Variants in ZMIZ1 observed in about 807,000 individuals in gnomAD.
The protein encoded by ZMIZ1 is zinc finger MIZ domain-containing protein 1.
A neutral mutation model predicts 113.9 loss-of-function variants in ZMIZ1; 17 were observed. That is an observed-to-expected ratio of 0.15 (90% CI 0.10 to 0.22). The LOEUF is 0.22. Ranked by LOEUF, ZMIZ1 falls within the 10% of genes least tolerant of loss-of-function variation. The probability of loss-of-function intolerance (pLI) is 1.00; values close to 1 mark genes in which losing one functional copy is unlikely to be tolerated. For missense variants in ZMIZ1, 1,059 were observed against 1,477.8 expected (o/e 0.72, Z 4.65); for synonymous variants, 607 against 603.1 (o/e 1.01, Z -0.09).
intron 20 of ZMIZ1, 121 bp downstream of exon 20, chr10:79,305,352 G>T: frequency 2.3e-6 from 3 of 1,302,676 alleles, no homozygotes; most frequent in Admixed American, 1.8e-5. Context: ...TGGCAGAGGG[G>T]CTCAGGTTAT....
intron 2 of ZMIZ1, among the ~76,000 whole-genome samples, chr10:79,137,600 G>T (rs1473894253): frequency 6.6e-6 from 1 of 152,216 alleles, no homozygotes; most frequent in African/African-American, 2.4e-5. Context: ...TGAGTGGCTG[G>T]CTGTGCACCA....
intron 9 of ZMIZ1, chr10:79,290,598 G>T (rs1853419960): frequency 2.4e-6 from 1 of 419,860 alleles, no homozygotes; most frequent in Non-Finnish European, 4.7e-6. Flanking sequence ...CGTTTGTGGG[G>T]CAGTAGGCTT....
At chr10:79,274,592 C>G (rs59844894) in intron 7 of ZMIZ1, among the ~76,000 whole-genome samples, 3 of 151,676 alleles carry the variant, frequency 2.0e-5, no homozygotes, top group African/African-American at 7.3e-5. Flanking sequence ...AAGGAGAACA[C>G]GCACAACATC....
chr10:79,294,935 G>T (rs1414936686), intron 12 of ZMIZ1: 1 of 114,034 alleles, frequency 8.8e-6, no homozygotes. Flanking sequence ...TTCAGGAGGG[G>T]AGAGAGAGGG....
rs1855472556 is a variant in ZMIZ1, at chr10:79,315,461, C to G, written c.*2712C>G. ...GCAAAAACGAGGCCTCTGCAAGCCA[C>G]TTTTCCATGCCAAGCATCCACCCGG... On this transcript the variant is annotated 3_prime_UTR_variant, in exon 25 of 25. Transcript: ENST00000334512. 6.5e-6 allele frequency: 1 copy of G among 152,836 alleles called. No individual in the cohort carries two copies. Among genetic ancestry groups the G allele is most frequent in the Admixed American group, 6.5e-5 (1 of 15,282 alleles). 9.5% of individuals were successfully genotyped at this position (152,836 alleles called of 1,614,324 possible). A position where few individuals can be genotyped will look rare whatever the true frequency, so the allele number is the denominator to read the frequency against.
chr10:79,252,840 C>A (rs997579852), intron 7 of ZMIZ1, among the ~76,000 whole-genome samples: 22 of 152,248 alleles, frequency 1.4e-4, no homozygotes, highest in African/African-American at 5.3e-4. Flanking sequence ...GCACTTAGTG[C>A]AGCCCTTGGT....
chr10:79,244,337 T>C (rs191714686), intron 7 of ZMIZ1, among the ~76,000 whole-genome samples: 12 of 152,308 alleles, frequency 7.9e-5, no homozygotes, highest in Admixed American at 6.5e-4. Context: ...AGGAGATGCC[T>C]GGTTGTGAGG....
At chr10:79,168,482 C>T (rs1365247889) in intron 4 of ZMIZ1, among the ~76,000 whole-genome samples, 1 of 152,210 alleles carries the variant, frequency 6.6e-6, no homozygotes, top group Non-Finnish European at 1.5e-5. Context: ...GGCTATGAAC[C>T]ATGTCCCCAG....
chr10:79,092,380 C>G (rs1440790124), intron 1 of ZMIZ1, among the ~76,000 whole-genome samples: 1 of 152,222 alleles, frequency 6.6e-6, no homozygotes, highest in Non-Finnish European at 1.5e-5. Flanking sequence ...TACCAACAAG[C>G]CATGTGATCT....
chr10:79,171,184 G>T (rs886156835), intron 4 of ZMIZ1, among the ~76,000 whole-genome samples: 1 of 152,234 alleles, frequency 6.6e-6, no homozygotes, highest in Non-Finnish European at 1.5e-5. Context: ...TGCTGCTCAG[G>T]GGAGTTAATA....
At chr10:79,306,587 C>A (rs1268284950) in intron 22 of ZMIZ1, among the ~76,000 whole-genome samples, 4 of 152,228 alleles carry the variant, frequency 2.6e-5, no homozygotes, top group African/African-American at 9.6e-5. Context: ...CACACCCACC[C>A]GAGTTCTTGG....
chr10:79,307,689 T>A, intron 23 of ZMIZ1, 118 bp downstream of exon 23: 1 of 1,212,200 alleles, frequency 8.2e-7, no homozygotes, highest in Non-Finnish European at 1.1e-6. Context: ...GTGTGTGGGC[T>A]CAGAATGGAA....
chr10:79,160,458 C>T (rs901665171), intron 3 of ZMIZ1, among the ~76,000 whole-genome samples: 2 of 152,206 alleles, frequency 1.3e-5, no homozygotes, highest in African/African-American at 2.4e-5. Flanking sequence ...GTCTGGCCCT[C>T]GCATGCAGTG....
At chr10:79,290,496 C>CAG (rs1268732120) in intron 9 of ZMIZ1, among the ~76,000 whole-genome samples, 1 of 152,208 alleles carries the variant, frequency 6.6e-6, no homozygotes, top group East Asian at 1.9e-4. Flanking sequence ...TGCTGCCCTC[C>CAG]AGAGCTAGCA....
intron 10 of ZMIZ1, among the ~76,000 whole-genome samples, chr10:79,291,584 A>T (rs1027867136): frequency 1.3e-5 from 2 of 152,212 alleles, no homozygotes; most frequent in African/African-American, 4.8e-5. Context: ...TGCCTTGCTG[A>T]TTGGTGAAAG....
At chr10:79,222,626 G>A (rs1422127220) in intron 7 of ZMIZ1, among the ~76,000 whole-genome samples, 2 of 152,166 alleles carry the variant, frequency 1.3e-5, no homozygotes, top group Non-Finnish European at 2.9e-5. Flanking sequence ...CATGCCCTGG[G>A]CCCCTGGCCA....
intron 4 of ZMIZ1, among the ~76,000 whole-genome samples, chr10:79,188,212 A>G (rs768767013): frequency 6.6e-6 from 1 of 152,204 alleles, no homozygotes; most frequent in Non-Finnish European, 1.5e-5. Context: ...GGCCTCAGGT[A>G]GAGAATCCTG....
At chr10:79,082,723 G>A (rs1842696818) in intron 1 of ZMIZ1, among the ~76,000 whole-genome samples, 1 of 152,226 alleles carries the variant, frequency 6.6e-6, no homozygotes, top group African/African-American at 2.4e-5. Context: ...AGGACGATGG[G>A]GGACAATGGG....
At chr10:79,165,602 C>T (rs1386103043) in intron 4 of ZMIZ1, among the ~76,000 whole-genome samples, 4 of 150,566 alleles carry the variant, frequency 2.7e-5, no homozygotes, top group Non-Finnish European at 4.4e-5. Context: ...TCCAGGTGCA[C>T]ACTGGCTCCA....
Sources: gnomAD v4.1 joint callset for allele counts (sites outside exome capture counted in the v4.1 genomes callset) on GRCh38, gnomAD v4.1.1 for gene constraint, MANE v1.5 for transcripts, NCBI Gene and HGNC (gene_info 2026-07-23, HGNC 2026-07-21) for gene names.